CRB1: variants seen among roughly 807,000 people sequenced by gnomAD.
CRB1 encodes protein crumbs homolog 1.
Under a neutral mutation model 120.0 loss-of-function variants are expected in CRB1, and 83 were observed. The ratio of observed to expected loss-of-function variants is 0.69; its 90% CI spans 0.58 to 0.83. The LOEUF is 0.83. CRB1 is among the 40% of genes least tolerant of loss of function. CRB1 has a pLI of 0.00. For missense variants in CRB1, 1,699 were observed against 1,687.6 expected (o/e 1.01, Z -0.12); for synonymous variants, 625 against 612.5 (o/e 1.02, Z -0.30).
chr1:197,230,755 A>C, the CRB1 span, among the ~76,000 whole-genome samples: 794 of 152,308 alleles, frequency 5.2e-3, 9 homozygotes, highest in African/African-American at 0.018. Flanking sequence ...CTGATAAAAT[A>C]GTCTTGACCA....
At chr1:197,353,992 GAA>G (rs1204499892) in intron 4 of CRB1, among the ~76,000 whole-genome samples, 1 of 122,326 alleles carries the variant, frequency 8.2e-6, no homozygotes, top group Non-Finnish European at 1.8e-5. Context: ...ACAACCTAAT[GAA>G]AAAAACAGGA....
the CRB1 span, among the ~76,000 whole-genome samples, chr1:197,257,597 A>G: frequency 6.6e-6 from 1 of 152,166 alleles, no homozygotes; most frequent in Non-Finnish European, 1.5e-5. Flanking sequence ...TTTAGCCTAG[A>G]TCAAGCCTAA....
chr1:197,321,664 G>C (rs923932334), intron 1 of CRB1, among the ~76,000 whole-genome samples: 1 of 152,174 alleles, frequency 6.6e-6, no homozygotes, highest in East Asian at 1.9e-4. Flanking sequence ...TGAACTTAAA[G>C]AGTTTGTTTG....
intron 1 of CRB1, among the ~76,000 whole-genome samples, chr1:197,308,926 A>G (rs990523215): frequency 1.5e-4 from 23 of 151,178 alleles, no homozygotes; most frequent in African/African-American, 5.1e-4. Flanking sequence ...ATATGTGGGT[A>G]TATATACATA....
chr1:197,421,033 C>T lies in CRB1; in HGVS notation c.1205C>T (p.Ser402Phe), dbSNP rs1425645809. Residue 402 changes from serine to phenylalanine, a missense_variant, in exon 6 of 12, where the codon TCT becomes TTT. Coordinates refer to ENST00000367400, the MANE Select transcript of CRB1 (RefSeq NM_201253.3). ...TGCGAAGAAGACGTCAATGAATGTTCTTCAAACCCTTGCCAAAATGGTGGT... is the reference window on the plus strand; with the variant it reads ...TGCGAAGAAGACGTCAATGAATGTTTTTCAAACCCTTGCCAAAATGGTGGT... ...IHCEEDVNEC[S>F]SNPCQNGGTC... 3.7e-6 allele frequency: 6 copies of T among 1,613,706 alleles called. No homozygotes were observed. The South Asian group carries it at 6.6e-5, about 18-fold the overall frequency.
At chr1:197,225,935 T>A in the CRB1 span, among the ~76,000 whole-genome samples, 1 of 152,120 alleles carries the variant, frequency 6.6e-6, no homozygotes, top group Non-Finnish European at 1.5e-5. Context: ...GTAATCGCAC[T>A]CTGTCACTCA....
chr1:197,455,636 G>A (rs982373904), intron 11 of CRB1, among the ~76,000 whole-genome samples: 1 of 152,012 alleles, frequency 6.6e-6, no homozygotes, highest in Non-Finnish European at 1.5e-5. Flanking sequence ...AAGACTGTAG[G>A]AATTTACTAT....
intron 11 of CRB1, 21 bp from the exon 12 acceptor site, chr1:197,477,643 C>A (rs748691013): frequency 6.2e-7 from 1 of 1,609,350 alleles, no homozygotes; most frequent in Non-Finnish European, 8.5e-7. Context: ...ATTCGCATCC[C>A]AATGATTTCA....
At chr1:197,229,228 C>CAG in the CRB1 span, among the ~76,000 whole-genome samples, 1 of 152,180 alleles carries the variant, frequency 6.6e-6, no homozygotes, top group Admixed American at 6.5e-5. Flanking sequence ...CTCAAACTGA[C>CAG]AGAGACAGGC....
rs537207808 is a variant in CRB1 at position 197,357,515 on chromosome 1, G to A, written c.1171+502G>A. 3.5e-5 allele frequency: 7 copies of A among 200,278 alleles called. No homozygotes were observed. In the South Asian group the frequency reaches 6.3e-4, roughly 18 times the overall value. The allele number at this position is 200,278 out of a possible 1,614,324, so 12.4% of individuals were successfully genotyped here. On this transcript the variant is annotated intron_variant, in intron 5 of 11. Transcript: ENST00000367400. ...ACAACTTGCTTACCTAAAACCCAGA[G>A]GAAATTTGCATGTATGTTATCCAAT...
In CRB1 at chr1:197,344,335, G is replaced by A. The variant is rs778322895; in HGVS notation, c.707G>A (p.Gly236Asp). The A allele has an allele frequency of 6.2e-6, 10 of 1,613,964 alleles. No homozygotes were observed. In the Admixed American group the frequency reaches 1.7e-4, roughly 27 times the overall value. The change falls in exon 3 of 12, where the codon GGT becomes GAT. Residue 236 changes from glycine to aspartate, a missense_variant. Coordinates refer to ENST00000367400, the MANE Select transcript of CRB1 (RefSeq NM_201253.3). ...DECWSQPCLNGATCQDALGAY... is the reference protein window; with the variant it reads ...DECWSQPCLNDATCQDALGAY... ...TGTTGGTCCCAGCCTTGTTTAAATG[G>A]TGCAACTTGTCAGGATGCTCTGGGG...
chr1:197,272,132 A>G (rs1285190831), intron 1 of CRB1, among the ~76,000 whole-genome samples: 1 of 152,200 alleles, frequency 6.6e-6, no homozygotes, highest in East Asian at 1.9e-4. Context: ...TTAATATGTC[A>G]GAGAAGGCTG....
the CRB1 span, among the ~76,000 whole-genome samples, chr1:197,252,538 TTA>T: frequency 0.016 from 455 of 27,724 alleles, 6 homozygotes; most frequent in African/African-American, 0.03. Context: ...CCAATAGATT[TTA>T]TATATATATA....
chr1:197,216,345 T>C, the CRB1 span, among the ~76,000 whole-genome samples: 29 of 152,206 alleles, frequency 1.9e-4, no homozygotes, highest in Non-Finnish European at 3.2e-4. Flanking sequence ...AGAAGACATA[T>C]TAATTCTATT....
chr1:197,305,903 GAAA>G (rs5779864), intron 1 of CRB1, among the ~76,000 whole-genome samples: 1 of 135,790 alleles, frequency 7.4e-6, no homozygotes. Flanking sequence ...AGATCTAATT[GAAA>G]AAAAAAAAAA....
intron 1 of CRB1, among the ~76,000 whole-genome samples, chr1:197,300,437 C>CA (rs1342509513): frequency 6.6e-6 from 1 of 151,886 alleles, no homozygotes; most frequent in East Asian, 1.9e-4. Flanking sequence ...GATAGAAGAT[C>CA]AAACCAGCCA....
chr1:197,452,761 A>G (rs1158810751), intron 11 of CRB1, among the ~76,000 whole-genome samples: 2 of 152,170 alleles, frequency 1.3e-5, no homozygotes, highest in African/African-American at 2.4e-5. Flanking sequence ...TGATTCCTAA[A>G]TAAGTTACAC....
the CRB1 span, among the ~76,000 whole-genome samples, chr1:197,225,857 C>T: frequency 1.3e-5 from 2 of 152,144 alleles, no homozygotes; most frequent in Non-Finnish European, 2.9e-5. Flanking sequence ...TTCATTTTGT[C>T]TATCTTTTGA....
chr1:197,262,163 T>C, the CRB1 span, among the ~76,000 whole-genome samples: 1 of 152,140 alleles, frequency 6.6e-6, no homozygotes, highest in Non-Finnish European at 1.5e-5. Flanking sequence ...ATACCTTTTG[T>C]ATAGTACGTG....
Sources: allele counts gnomAD v4.1 joint callset (sites outside exome capture counted in the v4.1 genomes callset), GRCh38; gene constraint gnomAD v4.1.1; transcripts MANE v1.5; gene names NCBI Gene and HGNC (gene_info 2026-07-23, HGNC 2026-07-21).